The following CLCN5 variants were observed in gnomAD, a reference collection of about 807,000 sequenced individuals.
CLCN5 encodes the protein Cl-/H+ antiporter 5.
Under a neutral mutation model 54.0 loss-of-function variants are expected in CLCN5, and 17 were observed. That is an observed-to-expected ratio of 0.31 (90% confidence interval 0.22 to 0.47). The LOEUF (loss-of-function observed/expected upper bound fraction) is 0.47, where lower values mean the gene tolerates loss of function less well. Among genes scored for constraint, CLCN5 ranks in the 20% least tolerant of loss-of-function variants. The pLI is 1.00. For missense variants in CLCN5, 448 were observed against 646.7 expected, an observed-to-expected ratio of 0.69 and a Z score of 3.33; for synonymous variants, 222 against 233.0, an observed-to-expected ratio of 0.95 and a Z score of 0.43.
chrX:49,951,894 G>T (rs1191710428), intron 3 of CLCN5, among the ~76,000 whole-genome samples: 2 of 111,799 alleles, frequency 1.8e-5, no homozygotes, highest in Admixed American at 9.5e-5. Context: ...TTCCTCATCA[G>T]ACCCCTGTCT....
intron 3 of CLCN5, among the ~76,000 whole-genome samples, chrX:49,928,708 G>A (rs1401576435): frequency 1.8e-5 from 2 of 111,528 alleles, no homozygotes; most frequent in African/African-American, 3.3e-5. Flanking sequence ...GGCGGATCAC[G>A]AGGTCAGGAG....
At chrX:49,943,919 G>GT (rs1285831504) in intron 3 of CLCN5, among the ~76,000 whole-genome samples, 1 of 111,559 alleles carries the variant, frequency 9.0e-6, no homozygotes, top group Non-Finnish European at 1.9e-5. Context: ...CTTTAAAGTA[G>GT]TTTTTTCCAA....
At chrX:49,944,576 C>G (rs1926581162) in intron 3 of CLCN5, among the ~76,000 whole-genome samples, 1 of 111,433 alleles carries the variant, frequency 9.0e-6, no homozygotes, top group Admixed American at 9.5e-5. Context: ...TGAGATACGT[C>G]CCATCAATAC....
intron 3 of CLCN5, among the ~76,000 whole-genome samples, chrX:49,966,589 CT>C (rs1186780675): frequency 6.3e-3 from 112 of 17,798 alleles, no homozygotes; most frequent in South Asian, 0.015. Flanking sequence ...TATCTCTGAT[CT>C]TTTTTTTTTT....
chrX:50,063,673 T>C (rs1397466790), intron 4 of CLCN5, among the ~76,000 whole-genome samples: 4 of 108,643 alleles, frequency 3.7e-5, no homozygotes, highest in African/African-American at 1.4e-4. Flanking sequence ...GCCAGCATCA[T>C]TCTGATACCA....
In CLCN5 at chrX:50,063,689, A is replaced by G. The variant is rs12399320; in HGVS notation, c.164-6190A>G. Reference sequence around the variant, plus strand: ...CCAGCATCATTCTGATACCAAAGCCAGGCAGAGACACAACCAAAAAAGAGA... The same window carrying G: ...CCAGCATCATTCTGATACCAAAGCCGGGCAGAGACACAACCAAAAAAGAGA... On this transcript the variant is annotated intron_variant, in intron 4 of 14. Transcript: ENST00000376091. 3.4e-3 allele frequency among the ~76,000 whole-genome samples: 366 copies of G among 108,129 alleles called. 1 individual carries two copies. Among genetic ancestry groups the G allele is most frequent in the African/African-American group, 6.0e-3 (174 of 28,986 alleles). The allele number at this position is 108,129 out of a possible 115,157, so 93.9% of individuals were successfully genotyped here.
chrX:49,943,015 C>A (rs1926468955), intron 3 of CLCN5, among the ~76,000 whole-genome samples: 2 of 104,087 alleles, frequency 1.9e-5, no homozygotes, highest in South Asian at 9.3e-4. Context: ...GTTTACAGTC[C>A]CACCAACAGT....
rs782098587 is a variant in CLCN5, at chrX:50,090,246, G to A, written c.1875G>A (p.Glu625=). The change falls in exon 13 of 15, where the codon GAG becomes GAA. Residue 625 remains glutamate (E), a synonymous_variant. Transcript: ENST00000376091. ...GGGTGGCAGATGCTCTTGGGCGGGA[G>A]GGCATCTATGATGCCCACATCCGTC... The part of the protein sequence containing the change: ...SKWVADALGR[E]GIYDAHIRLN... 3.3e-6 allele frequency: 4 copies of A among 1,211,660 alleles called. No homozygotes were observed. The South Asian group carries it at 7.0e-5, about 21-fold the overall frequency.
chrX:50,012,776 C>G (rs965671391), intron 3 of CLCN5, among the ~76,000 whole-genome samples: 14 of 111,935 alleles, frequency 1.3e-4, no homozygotes, highest in Non-Finnish European at 2.4e-4. Flanking sequence ...TCATCCCTGA[C>G]CTACTACACC....
chrX:50,009,828 G>C lies in CLCN5; in HGVS notation c.17-32488G>C, dbSNP rs1413858974. ...AGCCCCCTCTGCGTGGAGAACAGAA[G>C]ATCTGTATGTCACCTCTCAGCTGCT... On this transcript the variant is annotated intron_variant, in intron 3 of 14. Coordinates refer to ENST00000376091, the MANE Select transcript of CLCN5 (RefSeq NM_001127898.4). 7.9e-6 allele frequency: 3 copies of C among 381,460 alleles called. No individual in the cohort carries two copies. In the East Asian group the frequency reaches 2.3e-4, roughly 29 times the overall value. The allele number at this position is 381,460 out of a possible 1,213,427, so 31.4% of individuals were successfully genotyped here.
In CLCN5 at chrX:50,094,298, A is replaced by G. The variant is rs1353535192; in HGVS notation, c.*2079A>G. 1.8e-5 allele frequency: 2 copies of G among 111,597 alleles called. No homozygotes were observed. Among genetic ancestry groups the G allele is most frequent in the East Asian group, 2.8e-4 (1 of 3,571 alleles). 9.2% of individuals were successfully genotyped at this position (111,597 alleles called of 1,213,427 possible). On this transcript the variant is annotated 3_prime_UTR_variant, in exon 15 of 15. Coordinates refer to ENST00000376091, the MANE Select transcript of CLCN5 (RefSeq NM_001127898.4). ...GTTGTATCATAGTAATGGCTCAGTA[A>G]CCACATATTTTGTCCTTTCCATGTC...
chrX:50,063,051 A>T (rs1320670690), intron 4 of CLCN5, among the ~76,000 whole-genome samples: 3 of 110,328 alleles, frequency 2.7e-5, no homozygotes, highest in African/African-American at 1.0e-4. Context: ...GCACAAGAGA[A>T]AGCAGGAAAG....
At chrX:49,927,716 T>C (rs1449095452) in intron 3 of CLCN5, among the ~76,000 whole-genome samples, 3 of 112,209 alleles carry the variant, frequency 2.7e-5, no homozygotes, top group African/African-American at 9.7e-5. Flanking sequence ...CCATGTATAT[T>C]GCAGCACTAC....
intron 6 of CLCN5, among the ~76,000 whole-genome samples, chrX:50,072,906 A>G (rs1217685245): frequency 9.1e-6 from 1 of 110,253 alleles, no homozygotes; most frequent in Admixed American, 9.7e-5. Flanking sequence ...TTTTTTTAAT[A>G]CATACTGCAT....
At chrX:50,074,863 A>G (rs1455898692) in intron 6 of CLCN5, among the ~76,000 whole-genome samples, 1 of 111,513 alleles carries the variant, frequency 9.0e-6, no homozygotes, top group Non-Finnish European at 1.9e-5. Flanking sequence ...TGGCTTTACT[A>G]TTTCCCTAAA....
At chrX:49,976,888 G>A (rs1360688936) in intron 3 of CLCN5, among the ~76,000 whole-genome samples, 2 of 111,250 alleles carry the variant, frequency 1.8e-5, no homozygotes, top group Non-Finnish European at 3.8e-5. Context: ...TCTAGGAAAA[G>A]CAAGGCAGAT....
At chrX:50,069,139 G>A (rs1933139719) in intron 4 of CLCN5, among the ~76,000 whole-genome samples, 1 of 112,060 alleles carries the variant, frequency 8.9e-6, no homozygotes, top group Non-Finnish European at 1.9e-5. Context: ...TAGAAAGGAA[G>A]ATAAAGCATG....
At chrX:49,997,861 A>G (rs1664038733) in intron 3 of CLCN5, among the ~76,000 whole-genome samples, 1 of 110,543 alleles carries the variant, frequency 9.0e-6, no homozygotes, top group Non-Finnish European at 1.9e-5. Context: ...ATCTGTGTCT[A>G]TCTCCCTAGT....
intron 4 of CLCN5, among the ~76,000 whole-genome samples, chrX:50,054,252 C>T (rs1932675965): frequency 9.0e-6 from 1 of 111,227 alleles, no homozygotes; most frequent in Non-Finnish European, 1.9e-5. Context: ...TTACTTGAAG[C>T]CCTGCACCTT....
Sources: gnomAD v4.1 joint callset for allele counts (sites outside exome capture counted in the v4.1 genomes callset) on GRCh38, gnomAD v4.1.1 for gene constraint, MANE v1.5 for transcripts, NCBI Gene and HGNC (gene_info 2026-07-23, HGNC 2026-07-21) for gene names.